SH3YL1: variants seen among roughly 807,000 people sequenced by gnomAD.
SH3YL1 encodes SH3 and SYLF domain containing 1.
In SH3YL1, 41 loss-of-function variants were observed where a neutral mutation model predicts 45.8. The ratio of observed to expected loss-of-function variants is 0.89; its 90% CI spans 0.70 to 1.16. SH3YL1 has a LOEUF of 1.16. Ranked by LOEUF, SH3YL1 falls within the 50% of genes most tolerant of loss-of-function variation. SH3YL1 has a pLI of 0.00. For missense variants in SH3YL1, 389 were observed against 409.6 expected, an observed-to-expected ratio of 0.95 and a Z score of 0.43; for synonymous variants, 152 against 151.4, an observed-to-expected ratio of 1.00 and a Z score of -0.03.
intron 9 of SH3YL1, among the ~76,000 whole-genome samples, chr2:221,105 T>G (rs764879839): frequency 6.6e-6 from 1 of 152,190 alleles, no homozygotes; most frequent in Non-Finnish European, 1.5e-5. Context: ...CATCACAGAA[T>G]TTGAAACTGA....
At chr2:226,826 G>A (rs1039168116) in intron 8 of SH3YL1, among the ~76,000 whole-genome samples, 5 of 151,472 alleles carry the variant, frequency 3.3e-5, no homozygotes, top group African/African-American at 1.2e-4. Context: ...ATATACTGGG[G>A]AGTATATATG....
intron 3 of SH3YL1, 25 bp downstream of exon 3, chr2:249,706 C>T (rs111558093): frequency 1.4e-6 from 2 of 1,462,764 alleles, no homozygotes; most frequent in Admixed American, 2.0e-5. Flanking sequence ...AGACTCTCTA[C>T]TCCAGTGAAC....
At chr2:229,685 C>T (rs955817624) in intron 8 of SH3YL1, among the ~76,000 whole-genome samples, 3 of 146,078 alleles carry the variant, frequency 2.1e-5, no homozygotes, top group East Asian at 2.0e-4. Flanking sequence ...GCCGAGATCC[C>T]GCCACTGCAC....
At chr2:234,320 C>T in intron 4 of SH3YL1, 48 bp from the exon 5 acceptor site, 2 of 1,413,612 alleles carry the variant, frequency 1.4e-6, no homozygotes, top group African/African-American at 2.8e-5. Flanking sequence ...GACTAAATAT[C>T]ATTTAAAATT....
At chr2:243,550 G>A (rs2103039695) in intron 4 of SH3YL1, 2 of 1,528,158 alleles carry the variant, frequency 1.3e-6, no homozygotes, top group Non-Finnish European at 1.8e-6. Context: ...GGAATATGTA[G>A]CTGTAAATGT....
At chr2:227,284 T>C (rs1298640191) in intron 8 of SH3YL1, among the ~76,000 whole-genome samples, 1 of 152,144 alleles carries the variant, frequency 6.6e-6, no homozygotes, top group Non-Finnish European at 1.5e-5. Context: ...TTTAAAAATA[T>C]ATTATTTGAC....
chr2:224,991 C>T, intron 8 of SH3YL1, 71 bp from the exon 9 acceptor site: 2 of 1,136,494 alleles, frequency 1.8e-6, no homozygotes, highest in Non-Finnish European at 2.7e-6. Flanking sequence ...CACAAAATTG[C>T]CAGATCCTGC....
At chr2:228,533 C>T (rs1667885405) in intron 8 of SH3YL1, among the ~76,000 whole-genome samples, 1 of 152,146 alleles carries the variant, frequency 6.6e-6, no homozygotes, top group African/African-American at 2.4e-5. Flanking sequence ...TATCCATTCT[C>T]AGTGAGGACA....
chr2:230,293 C>A, intron 7 of SH3YL1: 1 of 324,382 alleles, frequency 3.1e-6, no homozygotes. Flanking sequence ...CTCTGACCAC[C>A]TGTGCAAGGT....
intron 8 of SH3YL1, among the ~76,000 whole-genome samples, chr2:228,933 CA>C (rs1667911587): frequency 1.3e-5 from 2 of 152,164 alleles, no homozygotes; most frequent in South Asian, 2.1e-4. Context: ...TTACTCCCCG[CA>C]AAACTTATAT....
chr2:253,000 C>A lies in SH3YL1; in HGVS notation c.112+5G>T, dbSNP rs1037918121. On this transcript the variant is annotated splice_donor_5th_base_variant and intron_variant, in intron 2 of 9. Transcript: ENST00000356150. ...AGACAAACAGCACTCATCCTATTTA[C>A]CTACCAGGAATGATCTTATCAGGTC... is the stretch of plus-strand genomic sequence containing the variant. 2.7e-6 allele frequency: 4 copies of A among 1,490,190 alleles called. No homozygotes were observed. Among genetic ancestry groups the A allele is most frequent in the Non-Finnish European group, 3.7e-6 (4 of 1,093,680 alleles). 92.3% of individuals were successfully genotyped at this position (1,490,190 alleles called of 1,614,324 possible).
At chr2:242,666 T>C in intron 4 of SH3YL1, 6 of 1,215,242 alleles carry the variant, frequency 4.9e-6, no homozygotes, top group African/African-American at 1.6e-5. Flanking sequence ...CAATAATCTA[T>C]TAAATGTGAA....
intron 2 of SH3YL1, among the ~76,000 whole-genome samples, chr2:251,222 T>C (rs1669059988): frequency 6.6e-6 from 1 of 152,242 alleles, no homozygotes; most frequent in South Asian, 2.1e-4. Flanking sequence ...CAATTATAGA[T>C]TTAATTGCTA....
chr2:219,641 A>C lies in SH3YL1; in HGVS notation c.839-640T>G, dbSNP rs565169537. ...TTGTTACAGCAGCTGGAAGGGGCCA[A>C]GATAGTGTGACAGTTTCATGGATGG... is the stretch of plus-strand genomic sequence containing the variant. On this transcript the variant is annotated intron_variant, in intron 9 of 9. Coordinates refer to ENST00000356150, the MANE Select transcript of SH3YL1 (RefSeq NM_015677.4). 6.6e-4 allele frequency among the ~76,000 whole-genome samples: 101 copies of C among 152,316 alleles called. 2 individuals carry two copies. The South Asian group carries it at 0.021, about 31-fold the overall frequency.
At chr2:242,016 T>C (rs1668567553) in intron 4 of SH3YL1, 1 of 152,096 alleles carries the variant, frequency 6.6e-6, no homozygotes, top group South Asian at 2.1e-4. Flanking sequence ...ATAGTATAAA[T>C]GCATAGTTCT....
At chr2:242,743 A>T (rs1668598122) in intron 4 of SH3YL1, 2 of 1,484,914 alleles carry the variant, frequency 1.3e-6, no homozygotes, top group Admixed American at 4.9e-5. Flanking sequence ...AACAACAACA[A>T]CAACAACATC....
At chr2:231,238 T>G in intron 6 of SH3YL1, 47 bp from the exon 7 acceptor site, 1 of 1,435,904 alleles carries the variant, frequency 7.0e-7, no homozygotes, top group Non-Finnish European at 9.5e-7. Context: ...ACACAAATCT[T>G]TTCTAGAGTT....
intron 4 of SH3YL1, among the ~76,000 whole-genome samples, chr2:239,058 C>A (rs1274550706): frequency 6.6e-6 from 1 of 152,176 alleles, no homozygotes; most frequent in Non-Finnish European, 1.5e-5. Flanking sequence ...ATTCACTCTC[C>A]AGTGAAACCA....
At chr2:237,177 G>A (rs1232200208) in intron 4 of SH3YL1, among the ~76,000 whole-genome samples, 2 of 151,652 alleles carry the variant, frequency 1.3e-5, no homozygotes, top group Non-Finnish European at 2.9e-5. Context: ...CCATGACCTT[G>A]TAGCTACACT....
Sources: allele counts gnomAD v4.1 joint callset (sites outside exome capture counted in the v4.1 genomes callset), GRCh38; gene constraint gnomAD v4.1.1; transcripts MANE v1.5; gene names NCBI Gene and HGNC (gene_info 2026-07-23, HGNC 2026-07-21).